ERI1: variants seen among roughly 807,000 people sequenced by gnomAD.
ERI1 encodes the protein 3'-5' exoribonuclease 1.
Under a neutral mutation model 39.7 loss-of-function variants are expected in ERI1, and 39 were observed. The observed-to-expected ratio is 0.98, with a 90% CI of 0.76 to 1.28. The LOEUF (loss-of-function observed/expected upper bound fraction) is 1.28, where lower values mean the gene tolerates loss of function less well. ERI1 is among the 50% of genes most tolerant of loss of function. The pLI, the probability that ERI1 is intolerant of heterozygous loss-of-function variation, is 0.00. For synonymous variants in ERI1, 204 were observed against 149.6 expected (o/e 1.36, Z -2.65); for missense variants, 581 against 416.9 (o/e 1.39, Z -3.43).
chr8:9,099,549 G>A (rs1030151492), intron 3 of ERI1, among the ~76,000 whole-genome samples: 6 of 150,294 alleles, frequency 4.0e-5, no homozygotes, highest in South Asian at 2.1e-4. Context: ...GAGCTGTGAC[G>A]GTATCATTGC....
chr8:9,026,938 T>C (rs1027798317), intron 6 of ERI1, among the ~76,000 whole-genome samples: 4 of 152,222 alleles, frequency 2.6e-5, no homozygotes, highest in East Asian at 1.9e-4. Context: ...AGTGCTGTTA[T>C]GAACATGGAT....
chr8:9,074,837 C>T (rs1295615444), intron 3 of ERI1, among the ~76,000 whole-genome samples: 4 of 152,200 alleles, frequency 2.6e-5, no homozygotes, highest in Non-Finnish European at 4.4e-5. Flanking sequence ...TAGAGCACAT[C>T]GTCCTCTTAG....
At chr8:9,064,475 C>G (rs916320838) in intron 3 of ERI1, among the ~76,000 whole-genome samples, 2 of 150,072 alleles carry the variant, frequency 1.3e-5, no homozygotes, top group Non-Finnish European at 3.0e-5. Context: ...TGACTGGCAC[C>G]GGAGTTTTGG....
intron 6 of ERI1, among the ~76,000 whole-genome samples, chr8:9,021,852 T>A (rs67575865): frequency 0.14 from 20,367 of 150,590 alleles, 1,520 homozygotes; most frequent in Middle Eastern, 0.18. Context: ...ACTTTATTGC[T>A]ATTAATTCCA....
At chr8:9,050,237 G>A (rs538740930) in intron 3 of ERI1, among the ~76,000 whole-genome samples, 1 of 152,154 alleles carries the variant, frequency 6.6e-6, no homozygotes, top group African/African-American at 2.4e-5. Flanking sequence ...GCTGGGCGCA[G>A]TGCCTCACAC....
intron 5 of ERI1, among the ~76,000 whole-genome samples, chr8:9,019,439 G>A (rs768272437): frequency 6.6e-6 from 1 of 152,186 alleles, no homozygotes; most frequent in Non-Finnish European, 1.5e-5. Flanking sequence ...AATGAGCAGT[G>A]CTCTGCTAAA....
intron 3 of ERI1, among the ~76,000 whole-genome samples, chr8:9,089,528 C>G (rs1366926338): frequency 6.6e-6 from 1 of 152,136 alleles, no homozygotes; most frequent in Non-Finnish European, 1.5e-5. Context: ...CTAGATGATG[C>G]AAACTTCAGA....
intron 3 of ERI1, among the ~76,000 whole-genome samples, chr8:9,051,231 C>T (rs936407981): frequency 8.6e-5 from 13 of 151,634 alleles, no homozygotes; most frequent in African/African-American, 3.2e-4. Flanking sequence ...GAGAAGTCCA[C>T]GGTTGAGGGA....
Position 9,031,071 on chromosome 8 carries a change from T to C in ERI1, c.*1037T>C, listed in dbSNP as rs552257050. 3 of 152,342 alleles carry C rather than the reference T, an allele frequency of 2.0e-5. No individual in the cohort carries two copies. The East Asian group carries it at 5.8e-4, about 29-fold the overall frequency. 9.4% of individuals were successfully genotyped at this position (152,342 alleles called of 1,614,324 possible). A position where few individuals can be genotyped will look rare whatever the true frequency, so the allele number is the denominator to read the frequency against. ...ATTTCGACTTGATAAGGTAAAACTC[T>C]TATCTAGAGGCTAAACCCATGTATT... On this transcript the variant is annotated 3_prime_UTR_variant, in exon 7 of 7. Coordinates refer to ENST00000250263, the MANE Select transcript of ERI1 (RefSeq NM_153332.4).
intron 3 of ERI1, among the ~76,000 whole-genome samples, chr8:9,013,187 T>C (rs1312397973): frequency 6.6e-6 from 1 of 151,972 alleles, no homozygotes; most frequent in East Asian, 1.9e-4. Flanking sequence ...GCTAATTTTT[T>C]GTATTTTAGT....
At chr8:9,078,587 G>A (rs976553710) in intron 3 of ERI1, among the ~76,000 whole-genome samples, 1 of 152,142 alleles carries the variant, frequency 6.6e-6, no homozygotes, top group African/African-American at 2.4e-5. Context: ...AAATTCTGAA[G>A]TGCTACCCAG....
chr8:9,020,412 CT>C lies in ERI1; in HGVS notation c.759del (p.Phe253LeufsTer25). Reference sequence around the variant, plus strand: ...CAACTCAGCAGGCTCAAATACCCTCCTTTTGCGAAAAAGTGGATCAATATTC... The same window carrying C: ...CAACTCAGCAGGCTCAAATACCCTCCTTTGCGAAAAAGTGGATCAATATTC... ...QCQLSRLKYP[P>X]FAKKWINIRK... is the part of the protein sequence containing the mutation. On this transcript the variant is annotated frameshift_variant, in exon 6 of 7. Coordinates refer to ENST00000250263, the MANE Select transcript of ERI1 (RefSeq NM_153332.4). LOFTEE classifies it high-confidence loss of function. 1.9e-6 allele frequency: 3 copies of C among 1,607,570 alleles called. No individual in the cohort carries two copies. The highest frequency in any genetic ancestry group is 2.5e-6 in the Non-Finnish European group (3 of 1,177,432).
intron 3 of ERI1, among the ~76,000 whole-genome samples, chr8:9,058,769 G>A (rs1050300946): frequency 4.0e-5 from 6 of 151,812 alleles, no homozygotes; most frequent in African/African-American, 9.7e-5. Context: ...CCATTTCATC[G>A]TTGGACAACA....
intron 6 of ERI1, among the ~76,000 whole-genome samples, chr8:9,021,876 C>T (rs935069921): frequency 1.4e-5 from 2 of 146,994 alleles, no homozygotes; most frequent in African/African-American, 2.5e-5. Flanking sequence ...TGTGACTATA[C>T]CAGATTTGTT....
At chr8:9,097,350 G>A (rs1799908340) in intron 3 of ERI1, among the ~76,000 whole-genome samples, 1 of 152,034 alleles carries the variant, frequency 6.6e-6, no homozygotes, top group South Asian at 2.1e-4. Flanking sequence ...AAACAAACAG[G>A]GCCTCTCTTC....
intron 3 of ERI1, among the ~76,000 whole-genome samples, chr8:9,096,066 G>T (rs560427610): frequency 6.6e-6 from 1 of 152,210 alleles, no homozygotes; most frequent in Non-Finnish European, 1.5e-5. Context: ...CTGTCTAAAT[G>T]TATTGCTGAG....
chr8:9,056,393 T>C (rs1312202919), intron 3 of ERI1, among the ~76,000 whole-genome samples: 2 of 152,230 alleles, frequency 1.3e-5, no homozygotes, highest in African/African-American at 2.4e-5. Flanking sequence ...GTTAAACTAT[T>C]AGTGAGTCCC....
chr8:9,009,300 A>G (rs953298652), intron 2 of ERI1, among the ~76,000 whole-genome samples: 4 of 152,128 alleles, frequency 2.6e-5, no homozygotes, highest in Non-Finnish European at 4.4e-5. Context: ...GGCCAATGCT[A>G]TATTGGAGGT....
Position 9,025,693 on chromosome 8 carries a change from C to CTT in ERI1, c.808-4090_808-4089dup, listed in dbSNP as rs35325273. Among the ~76,000 whole-genome samples the CTT allele has an allele frequency of 3.6e-3, 537 of 149,792 alleles. 2 individuals carry two copies. The highest frequency in any genetic ancestry group is 7.1e-3 in the Middle Eastern group (2 of 282). On this transcript the variant is annotated intron_variant, in intron 6 of 6. Coordinates refer to ENST00000250263, the MANE Select transcript of ERI1 (RefSeq NM_153332.4). ...ACTCTCTAGGACTTTTCATTTTAAT[C>CTT]TTTTTTTTTTGTGTGTGTGTGTGTG...
Sources: gnomAD v4.1 joint callset for allele counts (sites outside exome capture counted in the v4.1 genomes callset) on GRCh38, gnomAD v4.1.1 for gene constraint, MANE v1.5 for transcripts, NCBI Gene and HGNC (gene_info 2026-07-23, HGNC 2026-07-21) for gene names.